Variants in FAM135B observed in about 807,000 individuals in gnomAD.
FAM135B encodes protein FAM135B.
A neutral mutation model predicts 127.7 loss-of-function variants in FAM135B; 43 were observed. The ratio of observed to expected loss-of-function variants is 0.34; its 90% CI spans 0.26 to 0.43. The LOEUF is 0.43. Among genes scored for constraint, FAM135B ranks in the 20% least tolerant of loss-of-function variants. The pLI is 1.00. For missense variants in FAM135B, 1,558 were observed against 1,725.6 expected, an observed-to-expected ratio of 0.90 and a Z score of 1.72; for synonymous variants, 670 against 665.1, an observed-to-expected ratio of 1.01 and a Z score of -0.11.
intron 1 of FAM135B, among the ~76,000 whole-genome samples, chr8:138,453,345 C>G (rs891181694): frequency 6.6e-6 from 1 of 151,242 alleles, no homozygotes; most frequent in Non-Finnish European, 1.5e-5. Flanking sequence ...ATAAAAATAC[C>G]TATTATTTAT....
chr8:138,327,901 A>T (rs1827912572), intron 2 of FAM135B, among the ~76,000 whole-genome samples: 1 of 152,208 alleles, frequency 6.6e-6, no homozygotes, highest in African/African-American at 2.4e-5. Context: ...AAGTCCCTAC[A>T]AGGTAGTAGA....
rs2130901855 is a variant in FAM135B, at chr8:138,167,980, C to T, written c.1173G>A (p.Leu391=). Residue 391 remains leucine, a synonymous_variant, in exon 12 of 20, where the codon CTG becomes CTA. Coordinates refer to ENST00000395297, the MANE Select transcript of FAM135B (RefSeq NM_015912.4). Reference sequence around the variant, plus strand: ...CGTCGATGTCCAGGCACTCTGCAGGCAGCGGGGGCATGCTAGTGAGGTACT... The same window carrying T: ...CGTCGATGTCCAGGCACTCTGCAGGTAGCGGGGGCATGCTAGTGAGGTACT... ...NSEYLTSMPP[L]PAECLDIDGD... 1 of 1,614,040 alleles carries T rather than the reference C, an allele frequency of 6.2e-7. No homozygotes were observed. Among genetic ancestry groups the T allele is most frequent in the Non-Finnish European group, 8.5e-7 (1 of 1,179,948 alleles).
intron 1 of FAM135B, among the ~76,000 whole-genome samples, chr8:138,376,140 A>G (rs1319838839): frequency 6.6e-6 from 1 of 151,992 alleles, no homozygotes; most frequent in African/African-American, 2.4e-5. Context: ...ACAGGGTTTC[A>G]CTGTGTTGGC....
intron 13 of FAM135B, 166 bp from the exon 14 acceptor site, chr8:138,148,852 T>C (rs1817870263): frequency 1.9e-6 from 1 of 514,564 alleles, no homozygotes; most frequent in Non-Finnish European, 3.4e-6. Context: ...TGAAGCTTTG[T>C]TCTGAACAAG....
chr8:138,371,263 T>C, intron 1 of FAM135B, among the ~76,000 whole-genome samples: 1 of 152,192 alleles, frequency 6.6e-6, no homozygotes, highest in East Asian at 1.9e-4. Flanking sequence ...GTGTTTAATA[T>C]AGTGTCTGGC....
chr8:138,323,946 G>A (rs1022452876), intron 2 of FAM135B, among the ~76,000 whole-genome samples: 1 of 152,214 alleles, frequency 6.6e-6, no homozygotes, highest in Non-Finnish European at 1.5e-5. Context: ...CTGTCTTCAT[G>A]TGGCTGAACC....
intron 3 of FAM135B, among the ~76,000 whole-genome samples, chr8:138,269,254 C>G (rs934679242): frequency 3.9e-5 from 6 of 152,228 alleles, no homozygotes; most frequent in African/African-American, 1.4e-4. Flanking sequence ...GAGTTCCCAG[C>G]AGCCCCAGAG....
rs747163573 is a variant in FAM135B, at chr8:138,141,211, G to C, written c.3777C>G (p.Thr1259=). The C allele has an allele frequency of 4.3e-6, 7 of 1,614,088 alleles. No homozygotes were observed. Among genetic ancestry groups the C allele is most frequent in the Admixed American group, 1.7e-5 (1 of 60,012 alleles). The change falls in exon 17 of 20, where the codon ACC becomes ACG. Residue 1259 remains threonine (T), a synonymous_variant. Transcript: ENST00000395297. This position sits in a 1 kb window ranked among gnomAD's most constrained non-coding sequence, Gnocchi z 4.7. ...PHLGTLYNNS[T]LVSTGLWLMQ... ...GAAGAATCTTACCTGTACTAACCAG[G>C]GTGCTGTTGTTGTACAGGGTTCCCA...
chr8:138,379,629 A>T (rs1317982912), intron 1 of FAM135B, among the ~76,000 whole-genome samples: 1 of 152,126 alleles, frequency 6.6e-6, no homozygotes, highest in Non-Finnish European at 1.5e-5. Flanking sequence ...TGGGGGAAGC[A>T]TACTGGATAC....
chr8:138,336,696 C>T (rs550366578), intron 2 of FAM135B, among the ~76,000 whole-genome samples: 11 of 152,320 alleles, frequency 7.2e-5, no homozygotes, highest in African/African-American at 2.4e-4. Context: ...GAGCTGCTAC[C>T]ATTCCTTCTG....
chr8:138,465,326 A>C (rs1837328546), intron 1 of FAM135B, among the ~76,000 whole-genome samples: 1 of 152,132 alleles, frequency 6.6e-6, no homozygotes, highest in Admixed American at 6.5e-5. Flanking sequence ...CTCAGATCTC[A>C]CAGGTGCTGC....
intron 1 of FAM135B, among the ~76,000 whole-genome samples, chr8:138,486,065 G>T (rs1814972404): frequency 6.6e-6 from 1 of 151,930 alleles, no homozygotes; most frequent in Non-Finnish European, 1.5e-5. Flanking sequence ...TCAGTGAGTG[G>T]AGAGTAATGT....
intron 1 of FAM135B, among the ~76,000 whole-genome samples, chr8:138,375,261 T>C (rs540241561): frequency 2.0e-5 from 3 of 151,924 alleles, no homozygotes; most frequent in Middle Eastern, 6.8e-3. Flanking sequence ...GATTGTTTTG[T>C]CAAAAATCAA....
intron 1 of FAM135B, among the ~76,000 whole-genome samples, chr8:138,383,146 C>T (rs899507252): frequency 2.0e-5 from 3 of 152,346 alleles, no homozygotes; most frequent in South Asian, 2.1e-4. Context: ...GTGAGGTTAA[C>T]GATCTCCTCC....
chr8:138,480,013 T>C (rs186562556), intron 1 of FAM135B, among the ~76,000 whole-genome samples: 1 of 152,252 alleles, frequency 6.6e-6, no homozygotes, highest in Non-Finnish European at 1.5e-5. Context: ...GCCCTGGGGC[T>C]GCCACTTTGC....
intron 12 of FAM135B, 69 bp downstream of exon 12, chr8:138,167,826 A>T (rs1021935405): frequency 6.7e-7 from 1 of 1,495,002 alleles, no homozygotes; most frequent in Non-Finnish European, 9.0e-7. Flanking sequence ...ATATAAACAA[A>T]CTGTGCCATT....
chr8:138,395,779 T>A (rs1832817928), intron 1 of FAM135B, among the ~76,000 whole-genome samples: 1 of 152,220 alleles, frequency 6.6e-6, no homozygotes, highest in Non-Finnish European at 1.5e-5. Flanking sequence ...CTCCACTACT[T>A]AACAAAGGTA....
intron 2 of FAM135B, among the ~76,000 whole-genome samples, chr8:138,318,010 T>G (rs1397760348): frequency 1.3e-5 from 2 of 152,220 alleles, no homozygotes; most frequent in African/African-American, 4.8e-5. Flanking sequence ...AATTTTGTAA[T>G]AAAACATCTT....
chr8:138,314,400 T>C (rs1006932089), intron 2 of FAM135B, among the ~76,000 whole-genome samples: 5 of 151,958 alleles, frequency 3.3e-5, no homozygotes, highest in Admixed American at 2.6e-4. Context: ...AGGACTATTA[T>C]CTAGGATATA....
Sources: gnomAD v4.1 joint callset for allele counts (sites outside exome capture counted in the v4.1 genomes callset) on GRCh38, gnomAD v4.1.1 for gene constraint, Gnocchi (gnomAD v3.1) non-coding constraint, MANE v1.5 for transcripts, NCBI Gene and HGNC (gene_info 2026-07-23, HGNC 2026-07-21) for gene names.